MAGI1: variants seen among roughly 807,000 people sequenced by gnomAD.
MAGI1 encodes membrane-associated guanylate kinase, WW and PDZ domain-containing protein 1.
Under a neutral mutation model 139.9 loss-of-function variants are expected in MAGI1, and 58 were observed. That is an observed-to-expected ratio of 0.41 (90% CI 0.34 to 0.52). MAGI1 has a LOEUF of 0.52. MAGI1 is among the 20% of genes least tolerant of loss of function. The probability of loss-of-function intolerance (pLI) is 0.12; values close to 1 mark genes in which losing one functional copy is unlikely to be tolerated. For synonymous variants in MAGI1, 812 were observed against 737.9 expected (o/e 1.10, Z -1.63); for missense variants, 1,874 against 1,901.6 (o/e 0.99, Z 0.27).
At chr3:65,385,695 A>T (rs1262392785) in intron 14 of MAGI1, among the ~76,000 whole-genome samples, 1 of 152,176 alleles carries the variant, frequency 6.6e-6, no homozygotes, top group Non-Finnish European at 1.5e-5. Flanking sequence ...CAGGGCTGTA[A>T]ATGGGTGCTT....
intron 13 of MAGI1, among the ~76,000 whole-genome samples, chr3:65,399,125 T>C (rs1297416847): frequency 2.6e-5 from 4 of 152,190 alleles, no homozygotes; most frequent in Non-Finnish European, 5.9e-5. Context: ...CTAAGACCAC[T>C]GTGCACATAT....
intron 5 of MAGI1, among the ~76,000 whole-genome samples, chr3:65,463,548 T>C (rs975239501): frequency 7.0e-6 from 1 of 143,718 alleles, no homozygotes. Flanking sequence ...ATCAGGGATA[T>C]TGGCCTGAAA....
rs77811399 is a variant in MAGI1 at position 65,731,096 on chromosome 3, T to C, written c.314-109008A>G. On this transcript the variant is annotated intron_variant, in intron 1 of 22. Transcript: ENST00000402939. ...CATTTCTTCCAGTTTCCCTGAAGGG[T>C]GATCAAAATGTCCATTTAAAACATA... Among the ~76,000 whole-genome samples the C allele has an allele frequency of 7.0e-3, 1,064 of 152,204 alleles. 9 individuals are homozygous for C. Among genetic ancestry groups the C allele is most frequent in the African/African-American group, 0.024 (996 of 41,550 alleles).
chr3:65,878,097 T>C (rs1225753930), intron 1 of MAGI1, among the ~76,000 whole-genome samples: 1 of 149,296 alleles, frequency 6.7e-6, no homozygotes, highest in Admixed American at 6.7e-5. Context: ...CGTGACAGAG[T>C]GAGGTTCTGT....
chr3:65,896,734 T>A (rs1038643374), intron 1 of MAGI1, among the ~76,000 whole-genome samples: 1 of 152,200 alleles, frequency 6.6e-6, no homozygotes, highest in Non-Finnish European at 1.5e-5. Flanking sequence ...ATGGACAGTA[T>A]ACATCCATAC....
chr3:65,949,395 C>T (rs144244430), intron 1 of MAGI1, among the ~76,000 whole-genome samples: 1 of 152,310 alleles, frequency 6.6e-6, no homozygotes, highest in East Asian at 1.9e-4. Context: ...CTTAAGAAAA[C>T]AAAACAGAAT....
chr3:66,017,987 T>A (rs908116534), intron 1 of MAGI1, among the ~76,000 whole-genome samples: 6 of 152,112 alleles, frequency 3.9e-5, no homozygotes, highest in African/African-American at 9.7e-5. Context: ...TATCTGTAAA[T>A]TGCTTTGTCT....
At chr3:65,842,040 C>T (rs1408666761) in intron 1 of MAGI1, among the ~76,000 whole-genome samples, 1 of 152,128 alleles carries the variant, frequency 6.6e-6, no homozygotes, top group Non-Finnish European at 1.5e-5. Context: ...GAGCATTTTT[C>T]TCAGTCTACC....
chr3:66,013,824 T>C (rs1462611186), intron 1 of MAGI1, among the ~76,000 whole-genome samples: 1 of 151,846 alleles, frequency 6.6e-6, no homozygotes, highest in East Asian at 1.9e-4. Context: ...AAAAAGCATG[T>C]TAGGGCCAAT....
At chr3:65,970,971 G>A (rs142474023) in intron 1 of MAGI1, among the ~76,000 whole-genome samples, 4,769 of 152,290 alleles carry the variant, frequency 0.031, 97 homozygotes, top group Non-Finnish European at 0.05. Flanking sequence ...TTGGGAGGCC[G>A]AGGTGGGCGG....
chr3:65,368,171 T>G (rs982965565), intron 18 of MAGI1, among the ~76,000 whole-genome samples: 7 of 152,082 alleles, frequency 4.6e-5, no homozygotes, highest in African/African-American at 1.4e-4. Flanking sequence ...GGAAAAAATA[T>G]AAAAGAAGGG....
chr3:65,529,463 C>T (rs2078536303), intron 2 of MAGI1, among the ~76,000 whole-genome samples: 1 of 152,152 alleles, frequency 6.6e-6, no homozygotes, highest in African/African-American at 2.4e-5. Flanking sequence ...CCCATTTGTG[C>T]CTGTCTTCCT....
At chr3:65,863,546 T>C (rs2059623248) in intron 1 of MAGI1, among the ~76,000 whole-genome samples, 1 of 152,228 alleles carries the variant, frequency 6.6e-6, no homozygotes, top group Admixed American at 6.5e-5. Flanking sequence ...ACTTCCTTGA[T>C]GTAAGTTCTT....
At chr3:65,699,296 A>C (rs1460218575) in intron 1 of MAGI1, among the ~76,000 whole-genome samples, 1 of 137,058 alleles carries the variant, frequency 7.3e-6, no homozygotes, top group East Asian at 2.2e-4. Context: ...AAACTAGTTC[A>C]ACCATTGTGG....
chr3:65,828,796 C>T (rs1247173942), intron 1 of MAGI1, among the ~76,000 whole-genome samples: 1 of 152,160 alleles, frequency 6.6e-6, no homozygotes, highest in African/African-American at 2.4e-5. Context: ...TTATTAAAAA[C>T]TGAGAACTTT....
chr3:65,767,526 A>G (rs984801188), intron 1 of MAGI1, among the ~76,000 whole-genome samples: 1 of 152,222 alleles, frequency 6.6e-6, no homozygotes, highest in African/African-American at 2.4e-5. Flanking sequence ...GTCATCCTAA[A>G]TTGGAGAATA....
intron 1 of MAGI1, among the ~76,000 whole-genome samples, chr3:65,710,917 C>T (rs944271432): frequency 6.6e-6 from 1 of 152,144 alleles, no homozygotes; most frequent in African/African-American, 2.4e-5. Context: ...TTCCTTTTTT[C>T]TCTCTGCTTA....
intron 13 of MAGI1, among the ~76,000 whole-genome samples, chr3:65,399,326 A>AG (rs1944664801): frequency 6.6e-6 from 1 of 152,222 alleles, no homozygotes; most frequent in Admixed American, 6.5e-5. Context: ...TCTCCCTGGC[A>AG]GGACATCATC....
intron 1 of MAGI1, among the ~76,000 whole-genome samples, chr3:65,789,698 G>C (rs974341195): frequency 6.6e-6 from 1 of 152,136 alleles, no homozygotes; most frequent in African/African-American, 2.4e-5. Flanking sequence ...ATTTAGCCGG[G>C]ATCTCCCTCG....
Sources: gnomAD v4.1 joint callset for allele counts (sites outside exome capture counted in the v4.1 genomes callset) on GRCh38, gnomAD v4.1.1 for gene constraint, MANE v1.5 for transcripts, NCBI Gene and HGNC (gene_info 2026-07-23, HGNC 2026-07-21) for gene names.